HSD17B11: variants seen among roughly 807,000 people sequenced by gnomAD.
HSD17B11 encodes the protein hydroxysteroid 17-beta dehydrogenase 11, also known as estradiol 17-beta-dehydrogenase 11.
Under a neutral mutation model 27.8 loss-of-function variants are expected in HSD17B11, and 22 were observed. That is an observed-to-expected ratio of 0.79 (90% CI 0.56 to 1.13). The LOEUF is 1.13. HSD17B11 is among the 50% of genes most tolerant of loss of function. HSD17B11 has a pLI of 0.00. For synonymous variants in HSD17B11, 117 were observed against 132.8 expected (o/e 0.88, Z 0.82); for missense variants, 314 against 351.1 (o/e 0.89, Z 0.84).
chr4:87,386,596 C>CA (rs10706118), intron 1 of HSD17B11, among the ~76,000 whole-genome samples: 32 of 149,776 alleles, frequency 2.1e-4, no homozygotes, highest in South Asian at 1.3e-3. Flanking sequence ...AGCAGATCTT[C>CA]AAAAAAAAAA....
chr4:87,374,693 A>G lies in HSD17B11; in HGVS notation c.450+6T>C. 6.3e-7 allele frequency: 1 copy of G among 1,592,878 alleles called. No homozygotes were observed. Among genetic ancestry groups the G allele is most frequent in the Non-Finnish European group, 8.5e-7 (1 of 1,175,116 alleles). ...GGAACATTTTTGTAAAAGAAGCCAT[A>G]CTCACCCAGAAATGTGCAAGTACAT... is the stretch of plus-strand genomic sequence containing the variant. On this transcript the variant is annotated splice_donor_region_variant and intron_variant, in intron 3 of 6. Coordinates refer to ENST00000358290, the MANE Select transcript of HSD17B11 (RefSeq NM_016245.5).
chr4:87,374,079 C>T (rs1046589886), intron 3 of HSD17B11, among the ~76,000 whole-genome samples: 1 of 152,144 alleles, frequency 6.6e-6, no homozygotes, highest in Non-Finnish European at 1.5e-5. Flanking sequence ...AATCCCAGCA[C>T]TTTGGGAGGC....
intron 5 of HSD17B11, among the ~76,000 whole-genome samples, chr4:87,342,541 A>G (rs1387477940): frequency 1.3e-5 from 2 of 152,004 alleles, no homozygotes; most frequent in African/African-American, 4.8e-5. Context: ...ATCTCGTCTC[A>G]AAAAAACAAA....
rs565166049 is a variant in HSD17B11, at chr4:87,389,390, T to C, written c.210+1471A>G. Among the ~76,000 whole-genome samples, 28 of 152,204 alleles carry C rather than the reference T, an allele frequency of 1.8e-4. 1 individual carries two copies. The highest frequency in any genetic ancestry group is 6.3e-4 in the African/African-American group (26 of 41,526). The stretch of plus-strand genomic sequence containing the variant: ...AGTACACGCCACCACGCTCAACTAA[T>C]TTTTTGTATTTTTGGTAGAAATGGG... On this transcript the variant is annotated intron_variant, in intron 1 of 6. Transcript: ENST00000358290.
Position 87,374,961 on chromosome 4 carries a change from T to C in HSD17B11, c.319-131A>G, listed in dbSNP as rs918135154. ...CAGGCTGCAGTACAGTGGCGAAATC[T>C]TGGCTCACTGCAACCTCCACCTCCC... is the stretch of plus-strand genomic sequence containing the variant. On this transcript the variant is annotated intron_variant, in intron 2 of 6. Coordinates refer to ENST00000358290, the MANE Select transcript of HSD17B11 (RefSeq NM_016245.5). 3.3e-5 allele frequency: 19 copies of C among 568,284 alleles called. 1 individual carries two copies. Among genetic ancestry groups the C allele is most frequent in the Non-Finnish European group, 5.1e-5 (18 of 350,888 alleles). 35.2% of individuals were successfully genotyped at this position (568,284 alleles called of 1,614,324 possible). A position where few individuals can be genotyped will look rare whatever the true frequency, so the allele number is the denominator to read the frequency against.
chr4:87,374,879 T>C (rs372422379), intron 2 of HSD17B11, 49 bp from the exon 3 acceptor site: 86 of 1,291,054 alleles, frequency 6.7e-5, no homozygotes, highest in African/African-American at 3.2e-4. Flanking sequence ...GGTATGAGGG[T>C]AAGTTTATAC....
chr4:87,391,059 A>T lies in HSD17B11; in HGVS notation c.12T>A (p.Leu4=), dbSNP rs1468756798. 6.2e-7 allele frequency: 1 copy of T among 1,613,018 alleles called. No individual in the cohort carries two copies. Among genetic ancestry groups the T allele is most frequent in the Non-Finnish European group, 8.5e-7 (1 of 1,179,618 alleles). ...ACGGGAGAAGCAGGAGGATGTCCAG[A>T]AGAAATTTCATCCCTTTTGTGGCTG... The part of the protein sequence containing the change: MKF[L]LDILLLLPLL... The change falls in exon 1 of 7, where the codon CTT becomes CTA. Residue 4 remains leucine (L), a synonymous_variant. Coordinates refer to ENST00000358290, the MANE Select transcript of HSD17B11 (RefSeq NM_016245.5).
chr4:87,337,626 A>G (rs1735077427), intron 6 of HSD17B11, among the ~76,000 whole-genome samples: 1 of 152,158 alleles, frequency 6.6e-6, no homozygotes, highest in Non-Finnish European at 1.5e-5. Context: ...CTGAGGGAGG[A>G]GGTGTAAGAA....
At position 87,391,061 on chromosome 4, in the gene HSD17B11, G is replaced by T; in HGVS notation, c.10C>A (p.Leu4Ile). The change falls in exon 1 of 7, where the codon CTT (leucine) becomes ATT (isoleucine). Residue 4 changes from leucine (L) to isoleucine (I), a missense_variant. Leu to Ile is a conservative substitution (Grantham distance 5). Coordinates refer to ENST00000358290, the MANE Select transcript of HSD17B11 (RefSeq NM_016245.5). The part of the protein sequence containing the change: MKF[L>I]LDILLLLPLL... Reference sequence around the variant, plus strand: ...GGGAGAAGCAGGAGGATGTCCAGAAGAAATTTCATCCCTTTTGTGGCTGCG... The same window carrying T: ...GGGAGAAGCAGGAGGATGTCCAGAATAAATTTCATCCCTTTTGTGGCTGCG... 1 of 1,611,302 alleles carries T rather than the reference G, an allele frequency of 6.2e-7. No homozygotes were observed. The highest frequency in any genetic ancestry group is 1.1e-5 in the South Asian group (1 of 90,944).
chr4:87,376,840 T>G (rs190798438), intron 2 of HSD17B11, among the ~76,000 whole-genome samples: 2 of 152,118 alleles, frequency 1.3e-5, no homozygotes, highest in Non-Finnish European at 2.9e-5. Flanking sequence ...CTGTAAAGAC[T>G]ATTTGTAGGC....
intron 4 of HSD17B11, among the ~76,000 whole-genome samples, chr4:87,366,869 A>C (rs762052689): frequency 1.3e-5 from 2 of 152,248 alleles, no homozygotes; most frequent in Non-Finnish European, 2.9e-5. Flanking sequence ...TGGAATGTTC[A>C]TGAATAACAA....
chr4:87,378,942 ATATATTTATATATATATATTT>A (rs1720045307), intron 2 of HSD17B11, among the ~76,000 whole-genome samples: 7 of 19,246 alleles, frequency 3.6e-4, no homozygotes, highest in Non-Finnish European at 6.0e-4. Flanking sequence ...ATATATATAT[ATATATTTATATATATATATTT>A]TTTTTTTTTT....
At chr4:87,379,522 CATATATACATATACAGCA>C (rs1403624198) in intron 2 of HSD17B11, among the ~76,000 whole-genome samples, 24 of 145,282 alleles carry the variant, frequency 1.7e-4, no homozygotes, top group African/African-American at 6.0e-4. Context: ...ATAATATGTA[CATATATACATATACAGCA>C]TTATATACAT....
intron 4 of HSD17B11, among the ~76,000 whole-genome samples, chr4:87,371,839 C>G (rs1280050203): frequency 6.6e-6 from 1 of 152,156 alleles, no homozygotes; most frequent in African/African-American, 2.4e-5. Flanking sequence ...GAGGAGTTCT[C>G]TAAGGGCTAG....
Position 87,340,605 on chromosome 4 carries a change from A to T in HSD17B11, c.697T>A (p.Leu233Met), listed in dbSNP as rs183569627. 1 of 1,602,322 alleles carries T rather than the reference A, an allele frequency of 6.2e-7. No homozygotes were observed. Among genetic ancestry groups the T allele is most frequent in the African/African-American group, 1.3e-5 (1 of 74,544 alleles). The part of the protein sequence containing the change: ...TGFIKNPSTS[L>M]GPTLEPEEVV... Reference sequence around the variant, plus strand: ...TCCTCAGGTTCCAGAGTGGGTCCCAAACTGAAATCAGAGTCAGTCTTCAGA... The same window carrying T: ...TCCTCAGGTTCCAGAGTGGGTCCCATACTGAAATCAGAGTCAGTCTTCAGA... The change falls in exon 6 of 7, where the codon TTG becomes ATG. Residue 233 changes from leucine to methionine, a missense_variant and splice_region_variant. Physicochemically the swap from Leu to Met is conservative, Grantham distance 15. Coordinates refer to ENST00000358290, the MANE Select transcript of HSD17B11 (RefSeq NM_016245.5).
chr4:87,388,414 A>T (rs1720374119), intron 1 of HSD17B11, among the ~76,000 whole-genome samples: 1 of 152,154 alleles, frequency 6.6e-6, no homozygotes, highest in African/African-American at 2.4e-5. Context: ...TGTTGCACAG[A>T]GTAGATCTAG....
intron 5 of HSD17B11, among the ~76,000 whole-genome samples, chr4:87,346,393 A>T (rs1578034404): frequency 6.6e-6 from 1 of 152,220 alleles, no homozygotes; most frequent in African/African-American, 2.4e-5. Flanking sequence ...TCACGACTGT[A>T]ATCCCAACAC....
chr4:87,381,122 G>T (rs1276952157), intron 2 of HSD17B11, among the ~76,000 whole-genome samples: 1 of 145,686 alleles, frequency 6.9e-6, no homozygotes, highest in East Asian at 2.0e-4. Flanking sequence ...GGGAGGTGGA[G>T]CTTGCAGTGA....
Position 87,354,231 on chromosome 4 carries a change from C to A in HSD17B11, c.695+3048G>T, listed in dbSNP as rs28566586. Among the ~76,000 whole-genome samples, 500 of 152,088 alleles carry A rather than the reference C, an allele frequency of 3.3e-3. 1 individual carries two copies. Among genetic ancestry groups the A allele is most frequent in the African/African-American group, 0.011 (462 of 41,482 alleles). On this transcript the variant is annotated intron_variant, in intron 5 of 6. Transcript: ENST00000358290. Reference sequence around the variant, plus strand: ...TAAATTAAGTGTGTTTAAAATAGAACCTGGCGGCCGTGGATCAGCTGTCAA... The same window carrying A: ...TAAATTAAGTGTGTTTAAAATAGAAACTGGCGGCCGTGGATCAGCTGTCAA...
Sources: allele counts gnomAD v4.1 joint callset (sites outside exome capture counted in the v4.1 genomes callset), GRCh38; gene constraint gnomAD v4.1.1; transcripts MANE v1.5; gene names NCBI Gene and HGNC (gene_info 2026-07-23, HGNC 2026-07-21).